SCML2: variants seen among roughly 807,000 people sequenced by gnomAD.
SCML2 encodes sex comb on midleg-like protein 2.
A neutral mutation model predicts 48.4 loss-of-function variants in SCML2; 6 were observed. The observed-to-expected ratio is 0.12, with a 90% confidence interval of 0.07 to 0.24. The LOEUF (loss-of-function observed/expected upper bound fraction) is 0.24. Among genes scored for constraint, SCML2 ranks in the 10% least tolerant of loss-of-function variants. SCML2 has a pLI of 1.00. For synonymous variants in SCML2, 181 were observed against 189.5 expected (o/e 0.95, Z 0.37); for missense variants, 377 against 528.2 (o/e 0.71, Z 2.81).
intron 6 of SCML2, 78 bp from the exon 7 acceptor site, chrX:18,305,293 G>A (rs1209428699): frequency 8.1e-6 from 8 of 993,687 alleles, no homozygotes; most frequent in East Asian, 6.2e-5. Flanking sequence ...GAAAAGTTGC[G>A]TATTCTCTCA....
At chrX:18,323,012 A>T (rs1010731147) in intron 5 of SCML2, among the ~76,000 whole-genome samples, 3 of 111,997 alleles carry the variant, frequency 2.7e-5, no homozygotes, top group African/African-American at 9.7e-5. Context: ...AAAAATTTTC[A>T]CTTAAATTAG....
chrX:18,290,460 G>A (rs1306081889), intron 7 of SCML2, among the ~76,000 whole-genome samples: 1 of 111,124 alleles, frequency 9.0e-6, no homozygotes, highest in Admixed American at 9.7e-5. Flanking sequence ...TTTGCTGCTT[G>A]CCCTCCTTCC....
chrX:18,278,015 A>G (rs928573379), intron 7 of SCML2, among the ~76,000 whole-genome samples: 1 of 111,593 alleles, frequency 9.0e-6, no homozygotes, highest in Non-Finnish European at 1.9e-5. Context: ...AAAATTAGCC[A>G]GATGTGGTGG....
chrX:18,262,036 CAAT>C (rs1486880346), intron 8 of SCML2, among the ~76,000 whole-genome samples: 1 of 108,174 alleles, frequency 9.2e-6, no homozygotes, highest in African/African-American at 3.5e-5. Context: ...TTTAAAATCA[CAAT>C]GTTATTTTTT....
intron 7 of SCML2, among the ~76,000 whole-genome samples, chrX:18,291,404 A>C (rs1928229871): frequency 8.9e-6 from 1 of 112,431 alleles, no homozygotes; most frequent in Admixed American, 9.5e-5. Context: ...AGCCTAATGC[A>C]AATTTTTGCT....
intron 14 of SCML2, 83 bp from the exon 15 acceptor site, chrX:18,241,462 C>A: frequency 1.5e-6 from 1 of 659,458 alleles, no homozygotes; most frequent in Admixed American, 3.9e-5. Flanking sequence ...AATACAGCAG[C>A]TGTATACTCC....
At chrX:18,258,346 T>A in intron 9 of SCML2, 99 bp from the exon 10 acceptor site, 2 of 566,801 alleles carry the variant, frequency 3.5e-6, no homozygotes, top group South Asian at 6.5e-5. Flanking sequence ...ACTATCCACT[T>A]CACTCACAGA....
intron 1 of SCML2, among the ~76,000 whole-genome samples, chrX:18,337,355 CAAAAAAA>C (rs747064959): frequency 3.6e-5 from 1 of 27,764 alleles, no homozygotes; most frequent in African/African-American, 1.4e-4. Flanking sequence ...ATGTTGGCTA[CAAAAAAA>C]AAAAAAAAAA....
At chrX:18,321,533 T>G (rs1240137579) in intron 5 of SCML2, among the ~76,000 whole-genome samples, 4 of 95,627 alleles carry the variant, frequency 4.2e-5, no homozygotes, top group Non-Finnish European at 8.1e-5. Flanking sequence ...AAAGGTAAGA[T>G]GGAAAGTCAT....
At chrX:18,291,906 TA>T in intron 7 of SCML2, among the ~76,000 whole-genome samples, 1 of 111,620 alleles carries the variant, frequency 9.0e-6, no homozygotes, top group South Asian at 3.7e-4. Context: ...TTCTCTCAGT[TA>T]AAAAAACTTT....
In SCML2 at chrX:18,304,894, G is replaced by A. The variant is rs199815105; in HGVS notation, c.730+78C>T. The A allele has an allele frequency of 2.9e-3, 3,153 of 1,099,435 alleles. 3 individuals are homozygous for A. Among genetic ancestry groups the A allele is most frequent in the Non-Finnish European group, 3.7e-3 (3,038 of 814,512 alleles). The allele number at this position is 1,099,435 out of a possible 1,213,427, so 90.6% of individuals were successfully genotyped here. A position where few individuals can be genotyped will look rare whatever the true frequency, so the allele number is the denominator to read the frequency against. On this transcript the variant is annotated intron_variant, in intron 7 of 14. Coordinates refer to ENST00000251900, the MANE Select transcript of SCML2 (RefSeq NM_006089.3). ...GCATGTACCACCTGGTACCACCAAC[G>A]CTAATCACAATGCCACCAATGACAG...
rs935643299 is a variant in SCML2, at chrX:18,256,730, T to A, written c.1456+118A>T. 10 of 538,381 alleles carry A rather than the reference T, an allele frequency of 1.9e-5. No homozygotes were observed. The African/African-American group carries it at 2.2e-4, about 12-fold the overall frequency. The allele number at this position is 538,381 out of a possible 1,213,427, so 44.4% of individuals were successfully genotyped here. A position where few individuals can be genotyped will look rare whatever the true frequency, so the allele number is the denominator to read the frequency against. On this transcript the variant is annotated intron_variant, in intron 11 of 14. Transcript: ENST00000251900. ...AATGAACAAAAACAACTATATGTTA[T>A]ACATTTCTAATTAGTTCACTGTGGC...
At chrX:18,306,715 C>T (rs1422939377) in intron 6 of SCML2, among the ~76,000 whole-genome samples, 2 of 111,355 alleles carry the variant, frequency 1.8e-5, no homozygotes, top group African/African-American at 6.5e-5. Context: ...TTTTCAAATG[C>T]CCCCCTTAAA....
rs1488911314 is a variant in SCML2, at chrX:18,335,940, G to A, written c.-24-1845C>T. On this transcript the variant is annotated intron_variant, in intron 1 of 14. Coordinates refer to ENST00000251900, the MANE Select transcript of SCML2 (RefSeq NM_006089.3). ...GAATAGCTAAAACAATCTTCAAAAA[G>A]AACAAAGATGGAGAATTTACATCAT... is the stretch of plus-strand genomic sequence containing the variant. Among the ~76,000 whole-genome samples the A allele has an allele frequency of 2.7e-5, 3 of 111,594 alleles. No individual in the cohort carries two copies. In the Admixed American group the frequency reaches 2.9e-4, roughly 11 times the overall value.
At chrX:18,242,138 C>CG (rs1333275188) in intron 14 of SCML2, among the ~76,000 whole-genome samples, 1 of 111,434 alleles carries the variant, frequency 9.0e-6, no homozygotes, top group African/African-American at 3.3e-5. Flanking sequence ...GGGAGCAGGT[C>CG]GGGGAGGATC....
intron 1 of SCML2, among the ~76,000 whole-genome samples, chrX:18,353,777 G>A (rs1025320392): frequency 8.9e-6 from 1 of 112,903 alleles, no homozygotes; most frequent in Non-Finnish European, 1.9e-5. Flanking sequence ...CAACCTTGAG[G>A]CGCAAAATCG....
chrX:18,313,013 G>T (rs1389466312), intron 6 of SCML2, among the ~76,000 whole-genome samples: 1 of 67,560 alleles, frequency 1.5e-5, no homozygotes, highest in Admixed American at 1.4e-4. Context: ...GTGTGCGCGT[G>T]TGTGTGTGTA....
At chrX:18,254,629 A>C (rs941730659) in intron 11 of SCML2, among the ~76,000 whole-genome samples, 2 of 112,177 alleles carry the variant, frequency 1.8e-5, no homozygotes, top group African/African-American at 3.2e-5. Context: ...TTGTGTAAGA[A>C]ATCAGGAAAT....
At chrX:18,340,626 A>G (rs991282290) in intron 1 of SCML2, among the ~76,000 whole-genome samples, 5 of 109,838 alleles carry the variant, frequency 4.6e-5, no homozygotes, top group African/African-American at 1.7e-4. Context: ...TCTGGCCAAC[A>G]TGGTGAAACC....
Sources: allele counts gnomAD v4.1 joint callset (sites outside exome capture counted in the v4.1 genomes callset), GRCh38; gene constraint gnomAD v4.1.1; transcripts MANE v1.5; gene names NCBI Gene and HGNC (gene_info 2026-07-23, HGNC 2026-07-21).